The following ADGRL3 variants were observed in gnomAD, a reference collection of about 807,000 sequenced individuals.
The protein encoded by ADGRL3 is adhesion G protein-coupled receptor L3, also known as calcium-independent alpha-latrotoxin receptor 3.
Under a neutral mutation model 153.5 loss-of-function variants are expected in ADGRL3, and 62 were observed. That is an observed-to-expected ratio of 0.40 (90% confidence interval 0.33 to 0.50). The LOEUF (loss-of-function observed/expected upper bound fraction) is 0.50. Among genes scored for constraint, ADGRL3 ranks in the 20% least tolerant of loss-of-function variants. The probability of loss-of-function intolerance (pLI) is 0.47; values close to 1 mark genes in which losing one functional copy is unlikely to be tolerated. For synonymous variants in ADGRL3, 710 were observed against 672.5 expected (o/e 1.06, Z -0.86); for missense variants, 1,641 against 1,859.4 (o/e 0.88, Z 2.16).
At chr4:61,651,155 T>G (rs977863396) in intron 5 of ADGRL3, among the ~76,000 whole-genome samples, 3 of 152,160 alleles carry the variant, frequency 2.0e-5, no homozygotes, top group Non-Finnish European at 2.9e-5. Flanking sequence ...ATTTTCTATA[T>G]GAGAAAAGCA....
rs74806405 is a variant in ADGRL3, at chr4:61,619,563, C to G, written c.473+32123C>G. ...CACACACACACTCTAATCATAACCT[C>G]CTGTGTGTGTGTATTTATGTATTTG... On this transcript the variant is annotated intron_variant, in intron 5 of 26. Transcript: ENST00000683033. 1.5e-3 allele frequency among the ~76,000 whole-genome samples: 221 copies of G among 151,742 alleles called. 2 individuals carry two copies. The East Asian group carries it at 0.037, about 26-fold the overall frequency.
chr4:62,037,131 C>T (rs1442400819), intron 23 of ADGRL3, among the ~76,000 whole-genome samples: 3 of 152,028 alleles, frequency 2.0e-5, no homozygotes, highest in East Asian at 3.9e-4. Flanking sequence ...TCAATTTGAA[C>T]GTTTGATCTC....
chr4:61,498,462 A>G (rs1331975153), intron 3 of ADGRL3, among the ~76,000 whole-genome samples: 1 of 152,078 alleles, frequency 6.6e-6, no homozygotes, highest in Non-Finnish European at 1.5e-5. Flanking sequence ...AGGCAGGAGA[A>G]TGGCGTAAAC....
chr4:61,329,170 C>A (rs1277903337), intron 1 of ADGRL3, among the ~76,000 whole-genome samples: 1 of 152,102 alleles, frequency 6.6e-6, no homozygotes, highest in Admixed American at 6.6e-5. Flanking sequence ...TATAACCCTA[C>A]CATTTAAGTA....
chr4:61,325,294 G>A (rs2095441815), intron 1 of ADGRL3, among the ~76,000 whole-genome samples: 1 of 152,064 alleles, frequency 6.6e-6, no homozygotes, highest in Admixed American at 6.6e-5. Context: ...CCTGGCGACA[G>A]TGAGAGACTC....
At chr4:61,791,565 T>C (rs2097342170) in intron 8 of ADGRL3, among the ~76,000 whole-genome samples, 1 of 152,154 alleles carries the variant, frequency 6.6e-6, no homozygotes, top group Non-Finnish European at 1.5e-5. Context: ...TGTCAGTGGA[T>C]CTACCATTCT....
chr4:61,865,288 G>C (rs2098389266), intron 9 of ADGRL3, among the ~76,000 whole-genome samples: 1 of 152,016 alleles, frequency 6.6e-6, no homozygotes, highest in South Asian at 2.1e-4. Flanking sequence ...CTAAATCTAA[G>C]TAGTTTTGAA....
intron 1 of ADGRL3, among the ~76,000 whole-genome samples, chr4:61,298,611 A>G (rs928324784): frequency 2.6e-5 from 4 of 152,196 alleles, no homozygotes; most frequent in African/African-American, 9.7e-5. Flanking sequence ...AGGGAGGCTT[A>G]CTTCAATTCA....
At chr4:61,577,642 T>A (rs534231611) in intron 4 of ADGRL3, among the ~76,000 whole-genome samples, 1 of 151,430 alleles carries the variant, frequency 6.6e-6, no homozygotes, top group African/African-American at 2.4e-5. Context: ...AGATACTGTC[T>A]CTACAAAAAA....
At chr4:61,726,411 C>G (rs1490174707) in intron 6 of ADGRL3, among the ~76,000 whole-genome samples, 3 of 151,740 alleles carry the variant, frequency 2.0e-5, no homozygotes, top group African/African-American at 7.3e-5. Flanking sequence ...GTTGGCCAGG[C>G]TGGTCTCGAA....
intron 1 of ADGRL3, among the ~76,000 whole-genome samples, chr4:61,310,892 TAGAA>T (rs1428513475): frequency 1.3e-5 from 2 of 151,984 alleles, no homozygotes; most frequent in Non-Finnish European, 2.9e-5. Flanking sequence ...ACAGAGAAGT[TAGAA>T]AGAGTGGAAT....
At chr4:61,860,634 C>T (rs759788098) in intron 9 of ADGRL3, among the ~76,000 whole-genome samples, 6 of 152,060 alleles carry the variant, frequency 3.9e-5, no homozygotes, top group African/African-American at 7.2e-5. Flanking sequence ...CATCTGCGGT[C>T]CTTCCCCAGA....
At chr4:61,576,571 G>T (rs901787822) in intron 4 of ADGRL3, among the ~76,000 whole-genome samples, 8 of 145,662 alleles carry the variant, frequency 5.5e-5, no homozygotes, top group Non-Finnish European at 1.1e-4. Context: ...CTTTAGAGTG[G>T]GAATTTACAT....
In ADGRL3 at chr4:61,907,070, A is replaced by C. The variant is rs948113746; in HGVS notation, c.1888-2490A>C. 2.0e-5 allele frequency among the ~76,000 whole-genome samples: 3 copies of C among 152,098 alleles called. 1 individual carries two copies. Among genetic ancestry groups the C allele is most frequent in the Admixed American group, 2.0e-4 (3 of 15,258 alleles). On this transcript the variant is annotated intron_variant, in intron 11 of 26. Transcript: ENST00000683033. ...TATATTTAAATAGTAATGGTGTTAC[A>C]GGAAAGGGGTTCAGATCCAGACCCC...
intron 1 of ADGRL3, among the ~76,000 whole-genome samples, chr4:61,340,880 A>G (rs2095795270): frequency 6.6e-6 from 1 of 151,720 alleles, no homozygotes; most frequent in Non-Finnish European, 1.5e-5. Context: ...ATACCAATAT[A>G]TACCAATATG....
intron 5 of ADGRL3, among the ~76,000 whole-genome samples, chr4:61,611,030 A>G (rs145414551): frequency 1.3e-5 from 2 of 152,284 alleles, no homozygotes; most frequent in African/African-American, 4.8e-5. Context: ...ATTCTGTGTT[A>G]GGCAGATGTT....
chr4:61,875,865 G>GTAAA (rs2098471976), intron 9 of ADGRL3, among the ~76,000 whole-genome samples: 1 of 152,084 alleles, frequency 6.6e-6, no homozygotes, highest in South Asian at 2.1e-4. Flanking sequence ...CACTTTTTTA[G>GTAAA]GAGACACCAG....
intron 20 of ADGRL3, among the ~76,000 whole-genome samples, chr4:61,997,741 A>G (rs571021911): frequency 1.3e-5 from 2 of 152,226 alleles, no homozygotes; most frequent in Non-Finnish European, 2.9e-5. Flanking sequence ...CTAGCTACAC[A>G]AAAATATATT....
intron 4 of ADGRL3, among the ~76,000 whole-genome samples, chr4:61,544,928 C>CT (rs764015492): frequency 2.6e-5 from 4 of 151,738 alleles, no homozygotes; most frequent in Non-Finnish European, 4.4e-5. Flanking sequence ...TTCTTTTACT[C>CT]TTTTTTTTCA....
Sources: gnomAD v4.1 joint callset for allele counts (sites outside exome capture counted in the v4.1 genomes callset) on GRCh38, gnomAD v4.1.1 for gene constraint, MANE v1.5 for transcripts, NCBI Gene and HGNC (gene_info 2026-07-23, HGNC 2026-07-21) for gene names.